The following SPC25 variants were observed in gnomAD, a reference collection of about 807,000 sequenced individuals.
SPC25 encodes the protein SPC25 component of NDC80 kinetochore complex.
In SPC25, 22 loss-of-function variants were observed where a neutral mutation model predicts 29.6. The observed-to-expected ratio is 0.74, with a 90% CI of 0.53 to 1.06. The LOEUF (loss-of-function observed/expected upper bound fraction) is 1.06, where lower values mean the gene tolerates loss of function less well. SPC25 is among the 50% of genes least tolerant of loss of function. The pLI is 0.00. For synonymous variants in SPC25, 91 were observed against 90.4 expected (o/e 1.01, Z -0.04); for missense variants, 230 against 255.8 (o/e 0.90, Z 0.69).
At chr2:168,870,128 T>C (rs1329087206), downstream of SPC25, among the ~76,000 whole-genome samples, 1 of 151,564 alleles carries the variant, frequency 6.6e-6, no homozygotes, top group African/African-American at 2.4e-5. Flanking sequence ...ATTTAATAAA[T>C]GGTGCTGGGA....
chr2:168,886,695 A>AT, intron 3 of SPC25, among the ~76,000 whole-genome samples: 1 of 151,456 alleles, frequency 6.6e-6, no homozygotes, highest in Middle Eastern at 3.4e-3. Flanking sequence ...AATTTTTTGT[A>AT]TTTTTAGTAG....
At chr2:168,889,313 C>A (rs1467041009) in intron 2 of SPC25, 22 bp from the exon 3 acceptor site, 2 of 1,613,446 alleles carry the variant, frequency 1.2e-6, no homozygotes, top group Non-Finnish European at 1.7e-6. Flanking sequence ...ATTGAACTTT[C>A]AATTCAGCTG....
At chr2:168,886,199 G>A (rs1690259149) in intron 3 of SPC25, among the ~76,000 whole-genome samples, 1 of 151,710 alleles carries the variant, frequency 6.6e-6, no homozygotes, top group Non-Finnish European at 1.5e-5. Flanking sequence ...GACTACAGGT[G>A]CCCACCACCA....
At chr2:168,863,593 A>G in intron 4 of SPC25, 6 of 985,210 alleles carry the variant, frequency 6.1e-6, no homozygotes, top group Non-Finnish European at 7.2e-6. Flanking sequence ...CTCCAAATTG[A>G]TGTTGTATTA....
At chr2:168,874,956 A>T (rs1690060479) in intron 5 of SPC25, among the ~76,000 whole-genome samples, 1 of 152,144 alleles carries the variant, frequency 6.6e-6, no homozygotes, top group Non-Finnish European at 1.5e-5. Context: ...AATTCCTTCT[A>T]GTGAATCACC....
At chr2:168,883,652 T>G (rs1347124340) in intron 3 of SPC25, among the ~76,000 whole-genome samples, 1 of 152,182 alleles carries the variant, frequency 6.6e-6, no homozygotes, top group African/African-American at 2.4e-5. Context: ...ATACAAAAAC[T>G]TTTAAACTAG....
At position 168,889,004 on chromosome 2, in the gene SPC25, C is replaced by T. The variant is rs62176785; in HGVS notation, c.199+222G>A. 1.5e-3 allele frequency among the ~76,000 whole-genome samples: 108 copies of T among 70,236 alleles called. 4 individuals are homozygous for T. The highest frequency in any genetic ancestry group is 5.0e-3 in the African/African-American group (92 of 18,482). The allele number at this position is 70,236 out of a possible 152,430, so 46.1% of individuals were successfully genotyped here. On this transcript the variant is annotated intron_variant, in intron 3 of 6. Coordinates refer to ENST00000282074, the MANE Select transcript of SPC25 (RefSeq NM_020675.4). ...ACACATATATATGTATATATATACA[C>T]ATATATGTATATATATACACATATA...
At chr2:168,882,602 A>AAAAT (rs111778371) in intron 3 of SPC25, among the ~76,000 whole-genome samples, 48,896 of 148,642 alleles carry the variant, frequency 0.33, 8,598 homozygotes, top group East Asian at 0.56. Flanking sequence ...CCCTGTCTCA[A>AAAAT]AAATAAATAA....
At chr2:168,876,858 A>G (rs1250691085) in intron 4 of SPC25, among the ~76,000 whole-genome samples, 1 of 152,156 alleles carries the variant, frequency 6.6e-6, no homozygotes, top group Non-Finnish European at 1.5e-5. Context: ...ATTTTGCAGC[A>G]TAAAAAGAAC....
intron 4 of SPC25, chr2:168,864,854 G>T (rs767102256): frequency 1.9e-6 from 3 of 1,613,842 alleles, no homozygotes; most frequent in Non-Finnish European, 2.5e-6. Flanking sequence ...GATTATACAC[G>T]AGAAAAAAGA....
chr2:168,871,998 C>A (rs1207495800), intron 6 of SPC25, among the ~76,000 whole-genome samples: 1 of 145,206 alleles, frequency 6.9e-6, no homozygotes, highest in Non-Finnish European at 1.5e-5. Context: ...TTTTTTGAGA[C>A]AGATTCTTGA....
In SPC25 at chr2:168,871,340, A is replaced by T. The variant is rs536788924; in HGVS notation, c.*91T>A. ...TGCACATTGTGCACATGTACCCTAA[A>T]ACTTAAAGTATAATAATAATAAAAA... On this transcript the variant is annotated 3_prime_UTR_variant, in exon 7 of 7. Coordinates refer to ENST00000282074, the MANE Select transcript of SPC25 (RefSeq NM_020675.4). 7.8e-7 allele frequency: 1 copy of T among 1,281,438 alleles called. No individual in the cohort carries two copies. The highest frequency in any genetic ancestry group is 2.7e-5 in the East Asian group (1 of 37,410). 79.4% of individuals were successfully genotyped at this position (1,281,438 alleles called of 1,614,324 possible).
chr2:168,871,945 T>C (rs1690000399), intron 6 of SPC25, among the ~76,000 whole-genome samples: 1 of 150,968 alleles, frequency 6.6e-6, no homozygotes, highest in African/African-American at 2.4e-5. Context: ...ACTTTTCATT[T>C]CTGACCACTG....
At chr2:168,876,747 A>G (rs1439562673) in intron 4 of SPC25, among the ~76,000 whole-genome samples, 4 of 152,044 alleles carry the variant, frequency 2.6e-5, no homozygotes, top group African/African-American at 7.2e-5. Context: ...AAACTTTGCT[A>G]TTTTCAGATT....
intron 3 of SPC25, among the ~76,000 whole-genome samples, chr2:168,882,188 G>A (rs1471217581): frequency 6.6e-6 from 1 of 152,256 alleles, no homozygotes; most frequent in African/African-American, 2.4e-5. Context: ...TCAAGAGGTA[G>A]ATTATTCTCT....
At chr2:168,888,541 C>T (rs922009212) in intron 3 of SPC25, among the ~76,000 whole-genome samples, 2 of 151,874 alleles carry the variant, frequency 1.3e-5, no homozygotes, top group African/African-American at 2.4e-5. Flanking sequence ...GGCAACAGAG[C>T]GAGACTCTGT....
chr2:168,880,478 T>G (rs1690159847), intron 3 of SPC25, among the ~76,000 whole-genome samples: 1 of 152,216 alleles, frequency 6.6e-6, no homozygotes, highest in South Asian at 2.1e-4. Flanking sequence ...GAATTAGGCT[T>G]TTGCTTAAGG....
At chr2:168,871,579 C>G (rs375871140) in intron 6 of SPC25, 24 bp from the exon 7 acceptor site, 73 of 1,537,360 alleles carry the variant, frequency 4.7e-5, no homozygotes, top group Non-Finnish European at 6.0e-5. Context: ...AAAAAGAAAT[C>G]AAAGACAATT....
intron 4 of SPC25, chr2:168,862,057 T>A: frequency 6.2e-7 from 1 of 1,611,902 alleles, no homozygotes; most frequent in Non-Finnish European, 8.5e-7. Context: ...AGGGTAAGAA[T>A]CATTCTCAAA....
Sources: allele counts gnomAD v4.1 joint callset (sites outside exome capture counted in the v4.1 genomes callset), GRCh38; gene constraint gnomAD v4.1.1; transcripts MANE v1.5; gene names NCBI Gene and HGNC (gene_info 2026-07-23, HGNC 2026-07-21).